SUGCT: variants seen among roughly 807,000 people sequenced by gnomAD.
SUGCT encodes succinyl-CoA:glutarate CoA-transferase.
Under a neutral mutation model 55.0 loss-of-function variants are expected in SUGCT, and 41 were observed. That is an observed-to-expected ratio of 0.74 (90% CI 0.58 to 0.97). The LOEUF (loss-of-function observed/expected upper bound fraction) is 0.97. Among genes scored for constraint, SUGCT ranks in the 50% least tolerant of loss-of-function variants. The pLI is 0.00. For synonymous variants in SUGCT, 187 were observed against 200.4 expected (o/e 0.93, Z 0.56); for missense variants, 568 against 547.8 (o/e 1.04, Z -0.37).
intron 12 of SUGCT, among the ~76,000 whole-genome samples, chr7:40,571,408 G>A (rs1451544183): frequency 6.6e-6 from 1 of 152,118 alleles, no homozygotes; most frequent in Non-Finnish European, 1.5e-5. Flanking sequence ...GAACTCAAGT[G>A]CAAATTAATT....
intron 12 of SUGCT, among the ~76,000 whole-genome samples, chr7:40,678,589 A>G (rs1305962976): frequency 1.3e-5 from 2 of 152,216 alleles, no homozygotes; most frequent in Non-Finnish European, 2.9e-5. Flanking sequence ...AATAAGCCAG[A>G]CATCACTGAG....
At chr7:40,509,058 C>A (rs1792778017) in intron 12 of SUGCT, among the ~76,000 whole-genome samples, 1 of 152,064 alleles carries the variant, frequency 6.6e-6, no homozygotes, top group Admixed American at 6.6e-5. Context: ...ACACATGGGC[C>A]AGAATCATCC....
chr7:40,898,734 G>C, the SUGCT span, among the ~76,000 whole-genome samples: 1 of 151,960 alleles, frequency 6.6e-6, no homozygotes, highest in African/African-American at 2.4e-5. Flanking sequence ...GAGGGTACGC[G>C]GCTTCATTCT....
intron 8 of SUGCT, among the ~76,000 whole-genome samples, chr7:40,302,698 C>G (rs1377133625): frequency 6.6e-6 from 1 of 152,118 alleles, no homozygotes; most frequent in Admixed American, 6.6e-5. Context: ...TTAGACCAGG[C>G]CCACTCAAGA....
chr7:40,555,289 C>T (rs577086854), intron 12 of SUGCT, among the ~76,000 whole-genome samples: 1 of 145,904 alleles, frequency 6.9e-6, no homozygotes, highest in East Asian at 1.9e-4. Context: ...CAATGAAACC[C>T]TTCCTCTTTG....
At chr7:40,657,745 AC>A (rs1562929797) in intron 12 of SUGCT, among the ~76,000 whole-genome samples, 2 of 152,162 alleles carry the variant, frequency 1.3e-5, no homozygotes, top group African/African-American at 4.8e-5. Flanking sequence ...CATGTTGGCC[AC>A]GCTGATCTTG....
intron 12 of SUGCT, among the ~76,000 whole-genome samples, chr7:40,526,081 CT>C (rs1562837451): frequency 1.3e-5 from 2 of 152,122 alleles, no homozygotes; most frequent in African/African-American, 4.8e-5. Context: ...AAGATTTTTA[CT>C]GTTAAATGTT....
At chr7:40,185,505 G>A (rs896252325) in intron 3 of SUGCT, among the ~76,000 whole-genome samples, 3 of 151,868 alleles carry the variant, frequency 2.0e-5, no homozygotes, top group Non-Finnish European at 2.9e-5. Flanking sequence ...ATCGGGCTTT[G>A]TTCCTAGCAG....
chr7:40,758,956 T>G (rs2128719296), intron 13 of SUGCT, among the ~76,000 whole-genome samples: 1 of 152,202 alleles, frequency 6.6e-6, no homozygotes, highest in East Asian at 1.9e-4. Flanking sequence ...CGTAAGCATT[T>G]CAAACAGTTA....
intron 12 of SUGCT, among the ~76,000 whole-genome samples, chr7:40,570,786 CTAAGAG>C (rs1186367289): frequency 6.8e-6 from 1 of 147,508 alleles, no homozygotes; most frequent in South Asian, 2.2e-4. Flanking sequence ...TATGTCTAAA[CTAAGAG>C]TAAAACAGCG....
intron 12 of SUGCT, among the ~76,000 whole-genome samples, chr7:40,598,203 G>A (rs1407855000): frequency 6.6e-6 from 1 of 152,178 alleles, no homozygotes. Context: ...AAGCGCAGCA[G>A]TGTGAAAGGG....
At chr7:40,321,003 G>A (rs1342346057) in intron 9 of SUGCT, among the ~76,000 whole-genome samples, 1 of 151,410 alleles carries the variant, frequency 6.6e-6, no homozygotes, top group Non-Finnish European at 1.5e-5. Context: ...ATGTTATTTA[G>A]CTCCCACTTA....
intron 13 of SUGCT, among the ~76,000 whole-genome samples, chr7:40,857,405 T>G (rs1203577): frequency 6.6e-6 from 1 of 152,132 alleles, no homozygotes; most frequent in Admixed American, 6.5e-5. Context: ...ATTTGTCCCG[T>G]TGCAGTCTAT....
intron 12 of SUGCT, among the ~76,000 whole-genome samples, chr7:40,707,025 A>G (rs1269047273): frequency 6.6e-6 from 1 of 152,180 alleles, no homozygotes; most frequent in African/African-American, 2.4e-5. Flanking sequence ...TCTTGGAACA[A>G]GAGCATCTCT....
At chr7:40,606,584 A>G (rs1798547112) in intron 12 of SUGCT, among the ~76,000 whole-genome samples, 1 of 152,224 alleles carries the variant, frequency 6.6e-6, no homozygotes, top group African/African-American at 2.4e-5. Context: ...AACTGCTTTT[A>G]CCACATTAAA....
chr7:40,281,896 C>T lies in SUGCT; in HGVS notation c.720+7240C>T, dbSNP rs181824587. The stretch of plus-strand genomic sequence containing the variant: ...CAGTTTAGCAGCATAATCTCACTCA[C>T]TGCAACCTCTGCCTCCCAGGTGCAA... On this transcript the variant is annotated intron_variant, in intron 8 of 13. Coordinates refer to ENST00000335693, the MANE Select transcript of SUGCT (RefSeq NM_001193313.2). Among the ~76,000 whole-genome samples the T allele has an allele frequency of 9.4e-4, 143 of 152,256 alleles. 1 individual carries two copies. The highest frequency in any genetic ancestry group is 3.3e-3 in the African/African-American group (136 of 41,562).
At position 40,445,564 on chromosome 7, in the gene SUGCT, A is replaced by G. The variant is rs371458104; in HGVS notation, c.817-3723A>G. Reference sequence around the variant, plus strand: ...CGGATTCACAGCCAAATTCTACCACAGGTACAAAGAGGAACTGGTACCATT... The same window carrying G: ...CGGATTCACAGCCAAATTCTACCACGGGTACAAAGAGGAACTGGTACCATT... On this transcript the variant is annotated intron_variant, in intron 9 of 13. Coordinates refer to ENST00000335693, the MANE Select transcript of SUGCT (RefSeq NM_001193313.2). 3.9e-5 allele frequency among the ~76,000 whole-genome samples: 6 copies of G among 152,282 alleles called. No individual in the cohort carries two copies. The East Asian group carries it at 1.2e-3, about 29-fold the overall frequency.
At chr7:40,644,810 C>T (rs756400926) in intron 12 of SUGCT, among the ~76,000 whole-genome samples, 10 of 152,084 alleles carry the variant, frequency 6.6e-5, no homozygotes, top group Non-Finnish European at 1.3e-4. Flanking sequence ...TTGCCGTCAC[C>T]GAAACTTGCC....
intron 11 of SUGCT, among the ~76,000 whole-genome samples, chr7:40,494,789 A>G (rs939248848): frequency 2.0e-5 from 3 of 152,224 alleles, no homozygotes; most frequent in Non-Finnish European, 2.9e-5. Flanking sequence ...TTGTTCATAT[A>G]GTAGCCTTAT....
Sources: allele counts gnomAD v4.1 joint callset (sites outside exome capture counted in the v4.1 genomes callset), GRCh38; gene constraint gnomAD v4.1.1; transcripts MANE v1.5; gene names NCBI Gene and HGNC (gene_info 2026-07-23, HGNC 2026-07-21).